The following LYPD6B variants were observed in gnomAD, a reference collection of about 807,000 sequenced individuals.
LYPD6B encodes LY6/PLAUR domain containing 6B.
In LYPD6B, 17 loss-of-function variants were observed where a neutral mutation model predicts 22.8. The observed-to-expected ratio is 0.75, with a 90% CI of 0.51 to 1.12. The LOEUF (loss-of-function observed/expected upper bound fraction) is 1.12, where lower values mean the gene tolerates loss of function less well. Among genes scored for constraint, LYPD6B ranks in the 50% most tolerant of loss-of-function variants. The probability of loss-of-function intolerance (pLI) is 0.00; values close to 1 mark genes in which losing one functional copy is unlikely to be tolerated. For missense variants in LYPD6B, 221 were observed against 258.3 expected (o/e 0.86, Z 0.99); for synonymous variants, 106 against 91.6 (o/e 1.16, Z -0.90).
chr2:149,136,487 G>C (rs1463806146), intron 2 of LYPD6B, among the ~76,000 whole-genome samples: 2 of 152,128 alleles, frequency 1.3e-5, no homozygotes, highest in Non-Finnish European at 2.9e-5. Flanking sequence ...GATGGCAGTG[G>C]GTCACCAGCC....
chr2:149,134,795 G>T (rs1053337458), intron 2 of LYPD6B, among the ~76,000 whole-genome samples: 15 of 152,254 alleles, frequency 9.9e-5, no homozygotes, highest in African/African-American at 3.6e-4. Flanking sequence ...ACCAGCCCAG[G>T]GCTACTTGAT....
intron 1 of LYPD6B, among the ~76,000 whole-genome samples, chr2:149,060,670 C>T (rs1209074242): frequency 6.6e-6 from 1 of 152,120 alleles, no homozygotes; most frequent in African/African-American, 2.4e-5. Flanking sequence ...AGTGGTACAG[C>T]TGTCAGGGGT....
At chr2:149,041,017 T>C (rs1683056119) in intron 1 of LYPD6B, among the ~76,000 whole-genome samples, 1 of 150,400 alleles carries the variant, frequency 6.6e-6, no homozygotes, top group African/African-American at 2.5e-5. Flanking sequence ...GGGGACGTAG[T>C]GAAGACTCCC....
At chr2:149,095,385 C>T (rs1413071154) in intron 1 of LYPD6B, among the ~76,000 whole-genome samples, 3 of 152,158 alleles carry the variant, frequency 2.0e-5, no homozygotes, top group African/African-American at 4.8e-5. Context: ...TGATACTGTG[C>T]TCTCAGATAA....
At chr2:149,073,631 T>C (rs903549508) in intron 1 of LYPD6B, among the ~76,000 whole-genome samples, 1 of 152,012 alleles carries the variant, frequency 6.6e-6, no homozygotes, top group Non-Finnish European at 1.5e-5. Context: ...CACTCGGTGC[T>C]TTTGCTTATC....
chr2:149,100,927 CTG>C (rs1686175564), intron 1 of LYPD6B, among the ~76,000 whole-genome samples: 1 of 152,228 alleles, frequency 6.6e-6, no homozygotes, highest in Non-Finnish European at 1.5e-5. Context: ...CGTCAGCTGT[CTG>C]TGGCATTTTT....
intron 3 of LYPD6B, chr2:149,187,530 C>A (rs571182062): frequency 5.4e-6 from 8 of 1,470,016 alleles, no homozygotes; most frequent in Non-Finnish European, 4.5e-6. Context: ...AGATTCCCTG[C>A]GAGCAGGATC....
intron 5 of LYPD6B, among the ~76,000 whole-genome samples, chr2:149,211,043 C>A (rs1245293155): frequency 1.3e-5 from 2 of 152,108 alleles, no homozygotes; most frequent in African/African-American, 4.8e-5. Flanking sequence ...ACAATCATGG[C>A]AGAAGGCAAA....
chr2:149,082,786 C>T (rs1352023493), intron 1 of LYPD6B, among the ~76,000 whole-genome samples: 1 of 152,164 alleles, frequency 6.6e-6, no homozygotes, highest in Non-Finnish European at 1.5e-5. Flanking sequence ...AGGGCCCAGG[C>T]TGGGTGGACT....
At chr2:149,175,061 C>CTCTCTCTCTCTCTG (rs1454802925) in intron 3 of LYPD6B, among the ~76,000 whole-genome samples, 18 of 113,078 alleles carry the variant, frequency 1.6e-4, no homozygotes, top group East Asian at 8.7e-4. Context: ...CTCTCTCTCT[C>CTCTCTCTCTCTCTG]TGTGTGTGTG....
intron 2 of LYPD6B, among the ~76,000 whole-genome samples, chr2:149,150,783 T>A (rs1304007908): frequency 6.6e-6 from 1 of 152,118 alleles, no homozygotes; most frequent in Non-Finnish European, 1.5e-5. Context: ...TTTTCTTCCC[T>A]TTGTTTATTT....
intron 3 of LYPD6B, among the ~76,000 whole-genome samples, chr2:149,193,369 A>G (rs749803554): frequency 1.3e-5 from 2 of 152,216 alleles, no homozygotes; most frequent in Non-Finnish European, 2.9e-5. Flanking sequence ...TTTAGGCATT[A>G]TCAAAGAACA....
chr2:149,041,334 A>G (rs1683078046), intron 1 of LYPD6B, among the ~76,000 whole-genome samples: 2 of 152,226 alleles, frequency 1.3e-5, no homozygotes, highest in Non-Finnish European at 2.9e-5. Flanking sequence ...TTCACATGAC[A>G]ACATCCAAAG....
chr2:149,053,004 G>A (rs1683634139), intron 1 of LYPD6B, among the ~76,000 whole-genome samples: 1 of 152,144 alleles, frequency 6.6e-6, no homozygotes, highest in African/African-American at 2.4e-5. Flanking sequence ...AGGCTATTGA[G>A]CACTTGACAT....
At chr2:149,114,501 A>T (rs986675917) in intron 1 of LYPD6B, among the ~76,000 whole-genome samples, 4 of 152,208 alleles carry the variant, frequency 2.6e-5, no homozygotes, top group Non-Finnish European at 5.9e-5. Flanking sequence ...ACTGGTTTCC[A>T]TTAGAGCTGG....
Position 149,208,341 on chromosome 2 carries a change from G to A in LYPD6B, c.257G>A (p.Cys86Tyr), listed in dbSNP as rs568564692. 1.9e-6 allele frequency: 3 copies of A among 1,613,644 alleles called. No individual in the cohort carries two copies. Among genetic ancestry groups the A allele is most frequent in the Non-Finnish European group, 1.7e-6 (2 of 1,179,664 alleles). The change falls in exon 5 of 7, where the codon TGC becomes TAC. Residue 86 changes from cysteine (C) to tyrosine (Y), a missense_variant. Coordinates refer to ENST00000409642, the MANE Select transcript of LYPD6B (RefSeq NM_177964.5). ...ACACCATTTCCAAATAGCTTCAAGT[G>A]CTTTACTTGTGAAAACGCAGGGGAT... is the stretch of plus-strand genomic sequence containing the variant. ...DPTPFPNSFK[C>Y]FTCENAGDNY...
chr2:149,070,340 T>C (rs1684539068), intron 1 of LYPD6B, among the ~76,000 whole-genome samples: 1 of 152,228 alleles, frequency 6.6e-6, no homozygotes, highest in African/African-American at 2.4e-5. Flanking sequence ...GTTACCCATC[T>C]ACAAGTTTAT....
Position 149,214,705 on chromosome 2 carries a change from C to A in LYPD6B, c.619C>A (p.Leu207Met), listed in dbSNP as rs1320054950. The A allele has an allele frequency of 6.2e-7, 1 of 1,613,968 alleles. No homozygotes were observed. Among genetic ancestry groups the A allele is most frequent in the Admixed American group, 1.7e-5 (1 of 60,030 alleles). ...TGCCTGGGTCTTTGTGCTTCCATTG[C>A]TGTGATGCCACCATTCCTAGGAGAG... is the stretch of plus-strand genomic sequence containing the variant. ...VLAWVFVLPLL is the reference protein window; with the variant it reads ...VLAWVFVLPLM The change falls in exon 7 of 7, where the codon CTG (leucine) becomes ATG (methionine). Residue 207 changes from leucine to methionine, a missense_variant. Physicochemically the swap from Leu to Met is conservative, Grantham distance 15. Coordinates refer to ENST00000409642, the MANE Select transcript of LYPD6B (RefSeq NM_177964.5).
At chr2:149,156,134 G>C (rs1368366620) in intron 2 of LYPD6B, among the ~76,000 whole-genome samples, 5 of 152,156 alleles carry the variant, frequency 3.3e-5, no homozygotes, top group Admixed American at 1.3e-4. Context: ...GTTTGCAGTG[G>C]AACCTCTAGT....
Sources: allele counts gnomAD v4.1 joint callset (sites outside exome capture counted in the v4.1 genomes callset), GRCh38; gene constraint gnomAD v4.1.1; transcripts MANE v1.5; gene names NCBI Gene and HGNC (gene_info 2026-07-23, HGNC 2026-07-21).